Variants in RARRES1 observed in about 807,000 individuals in gnomAD.
RARRES1 encodes retinoic acid receptor responder 1.
RARRES1 carries 34 observed loss-of-function variants against 30.6 expected under a neutral mutation model. The ratio of observed to expected loss-of-function variants is 1.11; its 90% CI spans 0.84 to 1.48. The LOEUF (loss-of-function observed/expected upper bound fraction) is 1.48. Ranked by LOEUF, RARRES1 falls within the 40% of genes most tolerant of loss-of-function variation. The probability of loss-of-function intolerance (pLI) is 0.00; values close to 1 mark genes in which losing one functional copy is unlikely to be tolerated. For missense variants in RARRES1, 373 were observed against 386.5 expected (o/e 0.97, Z 0.29); for synonymous variants, 153 against 155.5 (o/e 0.98, Z 0.12).
intron 1 of RARRES1, among the ~76,000 whole-genome samples, chr3:158,714,722 AAG>A (rs1257790016): frequency 6.6e-6 from 1 of 152,134 alleles, no homozygotes; most frequent in Admixed American, 6.5e-5. Context: ...TCTTTTTTTT[AAG>A]AGAGCAAAAT....
At chr3:158,715,602 G>C (rs1195075664) in intron 1 of RARRES1, among the ~76,000 whole-genome samples, 1 of 152,166 alleles carries the variant, frequency 6.6e-6, no homozygotes. Context: ...GACAGTGCCT[G>C]GGTCAGCATA....
At chr3:158,727,659 C>T (rs765257100) in intron 1 of RARRES1, among the ~76,000 whole-genome samples, 2 of 152,168 alleles carry the variant, frequency 1.3e-5, no homozygotes, top group Non-Finnish European at 2.9e-5. Flanking sequence ...AGCATAAGAT[C>T]GCTCAGCACC....
chr3:158,702,229 A>G (rs1024721066), intron 4 of RARRES1, among the ~76,000 whole-genome samples: 1 of 152,166 alleles, frequency 6.6e-6, no homozygotes. Flanking sequence ...TAGTAGAGAC[A>G]GGGTTTCACA....
In RARRES1 at chr3:158,699,443, C is replaced by CCG. The variant is rs1726654316; in HGVS notation, c.673-1474_673-1473insCG. On this transcript the variant is annotated intron_variant, in intron 4 of 5. Coordinates refer to ENST00000237696, the MANE Select transcript of RARRES1 (RefSeq NM_206963.2). ...AGAATACAAAAAAGCAACCCCCCCC[C>CCG]CACCAAAAAAGTTTAGACTCCCCTT... Among the ~76,000 whole-genome samples, 3 of 150,794 alleles carry CCG rather than the reference C, an allele frequency of 2.0e-5. No individual in the cohort carries two copies. The South Asian group carries it at 6.3e-4, about 32-fold the overall frequency.
At chr3:158,726,390 G>T (rs1470976978) in intron 1 of RARRES1, among the ~76,000 whole-genome samples, 1 of 152,220 alleles carries the variant, frequency 6.6e-6, no homozygotes, top group Non-Finnish European at 1.5e-5. Context: ...TGGCCTAGTG[G>T]ACAGGGCTCC....
chr3:158,730,927 G>A (rs1199184184), intron 1 of RARRES1, among the ~76,000 whole-genome samples: 1 of 152,140 alleles, frequency 6.6e-6, no homozygotes, highest in Admixed American at 6.5e-5. Flanking sequence ...GGGATTACAG[G>A]CATGCGCCAC....
At chr3:158,726,726 C>T (rs1727700819) in intron 1 of RARRES1, among the ~76,000 whole-genome samples, 1 of 152,154 alleles carries the variant, frequency 6.6e-6, no homozygotes, top group South Asian at 2.1e-4. Context: ...CTCATTCCAC[C>T]ATAAGTAAAC....
At chr3:158,709,994 G>T (rs1333243686) in intron 3 of RARRES1, among the ~76,000 whole-genome samples, 1 of 152,204 alleles carries the variant, frequency 6.6e-6, no homozygotes, top group Non-Finnish European at 1.5e-5. Flanking sequence ...TCTGGCCTTG[G>T]AGTGTAAGGC....
chr3:158,698,126 G>T, intron 4 of RARRES1, 156 bp from the exon 5 acceptor site: 1 of 591,610 alleles, frequency 1.7e-6, no homozygotes. Context: ...TCAAGATATG[G>T]AAGTCATGGA....
At chr3:158,724,953 A>C (rs1559875251) in intron 1 of RARRES1, among the ~76,000 whole-genome samples, 1 of 152,164 alleles carries the variant, frequency 6.6e-6, no homozygotes, top group East Asian at 1.9e-4. Context: ...TCAGCCTTCC[A>C]AGTAGCTGGG....
intron 4 of RARRES1, among the ~76,000 whole-genome samples, chr3:158,701,063 T>G (rs1291896625): frequency 6.6e-6 from 1 of 152,234 alleles, no homozygotes; most frequent in Non-Finnish European, 1.5e-5. Context: ...TAATGGAGAC[T>G]TCTACTTAAT....
chr3:158,730,293 C>A (rs113816129), intron 1 of RARRES1, among the ~76,000 whole-genome samples: 1 of 144,890 alleles, frequency 6.9e-6, no homozygotes, highest in African/African-American at 2.6e-5. Flanking sequence ...GCACTCCAGC[C>A]TGGGCAACAG....
chr3:158,724,155 A>C (rs1335902922), intron 1 of RARRES1, among the ~76,000 whole-genome samples: 1 of 152,256 alleles, frequency 6.6e-6, no homozygotes, highest in South Asian at 2.1e-4. Flanking sequence ...GAGGTCAGCA[A>C]GACAGGAGGT....
rs989475399 is a variant in RARRES1 at position 158,732,199 on chromosome 3, G to A, written c.217C>T (p.Arg73Trp). 5 of 1,422,576 alleles carry A rather than the reference G, an allele frequency of 3.5e-6. No individual in the cohort carries two copies. Among genetic ancestry groups the A allele is most frequent in the South Asian group, 1.5e-5 (1 of 67,822 alleles). The allele number at this position is 1,422,576 out of a possible 1,614,324, so 88.1% of individuals were successfully genotyped here. Residue 73 changes from arginine to tryptophan, a missense_variant, in exon 1 of 6, where the codon CGG becomes TGG. By Grantham distance (101) the Arg-to-Trp change is moderately radical. Transcript: ENST00000237696. The part of the protein sequence containing the change: ...ARAALHFFNF[R>W]SGSPSALRVL... The stretch of plus-strand genomic sequence containing the variant: ...CGTAGCGCGCTGGGCGAGCCGGACC[G>A]GAAGTTGAAGAAGTGAAGCGCCGCG...
At chr3:158,702,479 C>A (rs759937303) in intron 4 of RARRES1, among the ~76,000 whole-genome samples, 11 of 152,152 alleles carry the variant, frequency 7.2e-5, no homozygotes, top group African/African-American at 2.4e-4. Flanking sequence ...TATTTTTGTA[C>A]CCTAGTATGT....
intron 1 of RARRES1, among the ~76,000 whole-genome samples, chr3:158,731,709 C>T (rs1217680418): frequency 6.6e-6 from 1 of 152,226 alleles, no homozygotes; most frequent in African/African-American, 2.4e-5. Context: ...TTGGAAATCC[C>T]GCCCAAAACT....
In RARRES1 at chr3:158,697,887, A is replaced by G. The variant is rs755062042; in HGVS notation, c.735+21T>C. ...AAAAACTTATGGTAAAAACAATTCTACATACAATGTTATGTTTTACCTGTG... is the reference window on the plus strand; with the variant it reads ...AAAAACTTATGGTAAAAACAATTCTGCATACAATGTTATGTTTTACCTGTG... On this transcript the variant is annotated intron_variant, in intron 5 of 5. Coordinates refer to ENST00000237696, the MANE Select transcript of RARRES1 (RefSeq NM_206963.2). 3.2e-6 allele frequency: 5 copies of G among 1,561,220 alleles called. No homozygotes were observed. In the South Asian group the frequency reaches 3.4e-5, roughly 11 times the overall value.
At chr3:158,707,793 G>C (rs1191443855) in intron 3 of RARRES1, among the ~76,000 whole-genome samples, 3 of 152,192 alleles carry the variant, frequency 2.0e-5, no homozygotes, top group Non-Finnish European at 2.9e-5. Flanking sequence ...TAAAGCAAAA[G>C]GTATTTGTTG....
intron 1 of RARRES1, 54 bp from the exon 2 acceptor site, chr3:158,713,913 A>G (rs2279561): frequency 6.9e-7 from 1 of 1,459,746 alleles, no homozygotes; most frequent in Admixed American, 1.7e-5. Flanking sequence ...AAACATCCTC[A>G]TATCCAGGAA....
Sources: gnomAD v4.1 joint callset for allele counts (sites outside exome capture counted in the v4.1 genomes callset) on GRCh38, gnomAD v4.1.1 for gene constraint, MANE v1.5 for transcripts, NCBI Gene and HGNC (gene_info 2026-07-23, HGNC 2026-07-21) for gene names.